MYH11: variants seen among roughly 807,000 people sequenced by gnomAD.
The protein encoded by MYH11 is myosin heavy chain 11.
Under a neutral mutation model 246.6 loss-of-function variants are expected in MYH11, and 80 were observed. That is an observed-to-expected ratio of 0.32 (90% CI 0.27 to 0.39). The LOEUF (loss-of-function observed/expected upper bound fraction) is 0.39, where lower values mean the gene tolerates loss of function less well. Ranked by LOEUF, MYH11 falls within the 10% of genes least tolerant of loss-of-function variation. The pLI is 1.00. For synonymous variants in MYH11, 1,071 were observed against 1,015.5 expected (o/e 1.05, Z -1.04); for missense variants, 2,158 against 2,546.8 (o/e 0.85, Z 3.29).
chr16:15,816,628 G>A (rs1017211010), intron 3 of MYH11, among the ~76,000 whole-genome samples: 1 of 152,064 alleles, frequency 6.6e-6, no homozygotes, highest in African/African-American at 2.4e-5. Context: ...TCTGATATGA[G>A]GCATGTGTGT....
chr16:15,747,723 G>A lies in MYH11; in HGVS notation c.2258C>T (p.Ala753Val). Residue 753 changes from alanine to valine, a missense_variant, in exon 19 of 41, where the codon GCC becomes GTC. This residue lies in a region of MYH11 where 56 missense variants were observed against 47.2 expected (regional missense o/e 1.19). Coordinates refer to ENST00000300036, the MANE Select transcript of MYH11 (RefSeq NM_002474.3). The stretch of plus-strand genomic sequence containing the variant: ...GTATAAGTTGGGGTCAAGTTCCAGG[G>A]CTTTGATCTGCAAAAGGAAGGAAAG... ...GKQACILMIK[A>V]LELDPNLYRI... 2 of 1,614,022 alleles carry A rather than the reference G, an allele frequency of 1.2e-6. No homozygotes were observed. The highest frequency in any genetic ancestry group is 1.7e-6 in the Non-Finnish European group (2 of 1,180,002).
chr16:15,727,361 C>T (rs976725888), intron 27 of MYH11, among the ~76,000 whole-genome samples: 3 of 151,978 alleles, frequency 2.0e-5, no homozygotes, highest in Non-Finnish European at 2.9e-5. Context: ...CCACCATGCC[C>T]GACTAATTTT....
rs79612144 is a variant in MYH11 at position 15,857,011 on chromosome 16, C to T, written c.-88G>A. ...GCTCGGATCTGACGCACCTCCCAGG[C>T]CGGAGCGTCCAAATCTCCCTGCGCG... On this transcript the variant is annotated 5_prime_UTR_variant, in exon 1 of 41. Coordinates refer to ENST00000300036, the MANE Select transcript of MYH11 (RefSeq NM_002474.3). 2,283 of 150,698 alleles carry T rather than the reference C, an allele frequency of 0.015. 47 individuals carry two copies. The highest frequency in any genetic ancestry group is 0.052 in the African/African-American group (2,131 of 41,360). The allele number at this position is 150,698 out of a possible 1,614,324, so 9.3% of individuals were successfully genotyped here.
chr16:15,815,972 T>A (rs2043252923), intron 3 of MYH11, among the ~76,000 whole-genome samples: 1 of 152,204 alleles, frequency 6.6e-6, no homozygotes, highest in African/African-American at 2.4e-5. Context: ...TATAACTTTC[T>A]GAAAACAACT....
intron 2 of MYH11, among the ~76,000 whole-genome samples, chr16:15,834,953 A>C: frequency 6.9e-6 from 1 of 144,890 alleles, no homozygotes; most frequent in Admixed American, 7.0e-5. Context: ...GGTGGTGCAC[A>C]CCTGTGGTCC....
intron 20 of MYH11, chr16:15,742,152 A>T (rs935564733): frequency 1.0e-4 from 58 of 571,796 alleles, no homozygotes; most frequent in Non-Finnish European, 1.8e-4. Context: ...ACCCCAAAAT[A>T]TCAACAGTGG....
At chr16:15,707,875 G>A (rs987499017) in intron 40 of MYH11, among the ~76,000 whole-genome samples, 2 of 151,568 alleles carry the variant, frequency 1.3e-5, no homozygotes, top group Non-Finnish European at 2.9e-5. Flanking sequence ...AGAAGGCTGA[G>A]GTAGGAGAAT....
intron 4 of MYH11, among the ~76,000 whole-genome samples, chr16:15,788,796 ATATGTGTGTGTGTGTGTGTG>A (rs1567763534): frequency 2.1e-5 from 2 of 94,882 alleles, no homozygotes; most frequent in South Asian, 6.5e-4. Flanking sequence ...AGACCAGAAT[ATATGTGTGTGTGTGTGTGTG>A]TGTGTGTGTG....
intron 28 of MYH11, 166 bp downstream of exon 28, chr16:15,726,682 A>G: frequency 1.2e-5 from 10 of 828,428 alleles, no homozygotes; most frequent in Non-Finnish European, 2.0e-5. Flanking sequence ...GGTTTTTTTA[A>G]TATTTAATTG....
intron 3 of MYH11, among the ~76,000 whole-genome samples, chr16:15,819,145 G>T (rs932589433): frequency 2.0e-5 from 3 of 152,176 alleles, no homozygotes; most frequent in African/African-American, 7.2e-5. Flanking sequence ...AAAGTGCTAG[G>T]ACTGAAGACA....
chr16:15,834,847 T>C (rs2043848577), intron 2 of MYH11, among the ~76,000 whole-genome samples: 1 of 151,198 alleles, frequency 6.6e-6, no homozygotes, highest in Admixed American at 6.6e-5. Flanking sequence ...AGGCAGGAGA[T>C]GGCTTGAGGC....
chr16:15,705,558 T>A (rs1310228065), intron 40 of MYH11, among the ~76,000 whole-genome samples: 1 of 152,216 alleles, frequency 6.6e-6, no homozygotes, highest in Non-Finnish European at 1.5e-5. Flanking sequence ...TCTGGCCCTG[T>A]TTGACCTGAA....
chr16:15,769,388 G>A (rs549685780), intron 9 of MYH11, among the ~76,000 whole-genome samples: 16 of 152,346 alleles, frequency 1.1e-4, no homozygotes, highest in East Asian at 9.6e-4. Context: ...TAGTCTCAAC[G>A]ACTTGAGAGG....
intron 27 of MYH11, among the ~76,000 whole-genome samples, chr16:15,729,188 G>T (rs1021731406): frequency 3.9e-5 from 6 of 152,048 alleles, no homozygotes; most frequent in Admixed American, 1.3e-4. Flanking sequence ...AGAAACCTTA[G>T]CCCAGCCTAA....
chr16:15,706,805 T>G (rs768986720), intron 40 of MYH11, among the ~76,000 whole-genome samples: 1 of 152,240 alleles, frequency 6.6e-6, no homozygotes, highest in East Asian at 1.9e-4. Flanking sequence ...AGAGTCTATT[T>G]GCTAACTGGA....
chr16:15,771,358 G>T (rs759311416), intron 9 of MYH11, among the ~76,000 whole-genome samples: 90 of 151,620 alleles, frequency 5.9e-4, no homozygotes, highest in Middle Eastern at 3.2e-3. Flanking sequence ...AGCCAGCTCG[G>T]GTTACTTGCA....
intron 13 of MYH11, among the ~76,000 whole-genome samples, chr16:15,757,165 GT>G (rs916178310): frequency 7.3e-5 from 11 of 151,010 alleles, no homozygotes; most frequent in South Asian, 6.3e-4. Flanking sequence ...TGTTAGAAAA[GT>G]TTTTTTTGGA....
chr16:15,830,249 G>A (rs901262062), intron 2 of MYH11, among the ~76,000 whole-genome samples: 11 of 152,230 alleles, frequency 7.2e-5, no homozygotes, highest in East Asian at 1.9e-4. Flanking sequence ...GGATAATCAC[G>A]GCTTCTTTAT....
chr16:15,782,769 C>T lies in MYH11; in HGVS notation c.634-292G>A, dbSNP rs1374645884. ...ACTGCCACTCAAAGCCACTGCCTTG[C>T]ACAATGTCGGTGATGTCATTTACAT... On this transcript the variant is annotated intron_variant, in intron 5 of 40. Transcript: ENST00000300036. 2.3e-5 allele frequency: 10 copies of T among 428,540 alleles called. 1 individual carries two copies. The highest frequency in any genetic ancestry group is 4.7e-5 in the East Asian group (1 of 21,194). 26.5% of individuals were successfully genotyped at this position (428,540 alleles called of 1,614,324 possible). A position where few individuals can be genotyped will look rare whatever the true frequency, so the allele number is the denominator to read the frequency against.
Sources: allele counts gnomAD v4.1 joint callset (sites outside exome capture counted in the v4.1 genomes callset), GRCh38; gene constraint gnomAD v4.1.1; regional missense constraint gnomAD v4.1.1; transcripts MANE v1.5; gene names NCBI Gene and HGNC (gene_info 2026-07-23, HGNC 2026-07-21).